ADAP2: variants seen among roughly 807,000 people sequenced by gnomAD.
ADAP2 encodes arf-GAP with dual PH domain-containing protein 2.
A neutral mutation model predicts 54.9 loss-of-function variants in ADAP2; 42 were observed. The observed-to-expected ratio is 0.77, with a 90% CI of 0.60 to 0.99. ADAP2 has a LOEUF of 0.99. ADAP2 is among the 50% of genes least tolerant of loss of function. The pLI is 0.00. For missense variants in ADAP2, 429 were observed against 480.4 expected (o/e 0.89, Z 1.00); for synonymous variants, 177 against 180.1 (o/e 0.98, Z 0.14).
intron 5 of ADAP2, among the ~76,000 whole-genome samples, chr17:30,942,471 C>A (rs1249186016): frequency 6.6e-6 from 1 of 152,132 alleles, no homozygotes; most frequent in East Asian, 1.9e-4. Context: ...TAACTGTGAT[C>A]CAGCAATTCC....
At chr17:30,927,854 T>C (rs1393272079) in intron 3 of ADAP2, among the ~76,000 whole-genome samples, 1 of 151,754 alleles carries the variant, frequency 6.6e-6, no homozygotes, top group African/African-American at 2.4e-5. Flanking sequence ...ACCCTGTCTC[T>C]ACAAAAAATA....
At chr17:30,951,672 T>TTTTTC in intron 7 of ADAP2, among the ~76,000 whole-genome samples, 1 of 128,704 alleles carries the variant, frequency 7.8e-6, no homozygotes. Context: ...TTTTTTTTTT[T>TTTTTC]TGAGACAGAG....
rs1260166284 is a variant in ADAP2, at chr17:30,956,461, A to G, written c.1103A>G (p.Asn368Ser). 1.9e-6 allele frequency: 3 copies of G among 1,614,102 alleles called. No individual in the cohort carries two copies. Among genetic ancestry groups the G allele is most frequent in the East Asian group, 2.2e-5 (1 of 44,884 alleles). Reference protein sequence around the residue: ...GVLSSPLTPLNRLTASTESGR... With the variant: ...GVLSSPLTPLSRLTASTESGR... ...CTGTCCAGCCCCTTGACGCCCCTCAACCGGCTTAGTAAGAAGCAGGAACTG... is the reference window on the plus strand; with the variant it reads ...CTGTCCAGCCCCTTGACGCCCCTCAGCCGGCTTAGTAAGAAGCAGGAACTG... Residue 368 changes from asparagine to serine, a missense_variant, in exon 10 of 11, where the codon AAC (asparagine) becomes AGC (serine). Asn to Ser is a conservative substitution (Grantham distance 46, BLOSUM62 1). Transcript: ENST00000330889.
rs567516286 is a variant in ADAP2, at chr17:30,924,883, T to C, written c.225+1813T>C. On this transcript the variant is annotated intron_variant, in intron 2 of 10. Transcript: ENST00000330889. ...TCTTTTTTGTTTTTTTTGTTTTTTT[T>C]TTTTTTGAGACGGAGTTTCACTCTT... Among the ~76,000 whole-genome samples the C allele has an allele frequency of 2.0e-3, 304 of 151,618 alleles. 1 individual carries two copies. Among genetic ancestry groups the C allele is most frequent in the African/African-American group, 7.0e-3 (288 of 41,362 alleles).
intron 2 of ADAP2, among the ~76,000 whole-genome samples, chr17:30,925,783 A>C (rs1911016791): frequency 6.6e-6 from 1 of 151,434 alleles, no homozygotes. Flanking sequence ...TATTTGAGAG[A>C]GAGTCTTGCT....
intron 2 of ADAP2, among the ~76,000 whole-genome samples, chr17:30,924,196 A>G (rs1413635848): frequency 6.6e-6 from 1 of 151,116 alleles, no homozygotes; most frequent in Non-Finnish European, 1.5e-5. Context: ...AACATGGTGA[A>G]ACCCCGTCTT....
intron 3 of ADAP2, among the ~76,000 whole-genome samples, chr17:30,928,898 G>A (rs1214570123): frequency 6.6e-6 from 1 of 152,126 alleles, no homozygotes; most frequent in Non-Finnish European, 1.5e-5. Context: ...TGGGGAGAAG[G>A]AATCCCTTTA....
chr17:30,947,922 G>GT (rs1186245234), intron 6 of ADAP2, among the ~76,000 whole-genome samples: 9 of 152,142 alleles, frequency 5.9e-5, no homozygotes, highest in Non-Finnish European at 1.2e-4. Context: ...AGTTGCTGTG[G>GT]TTAAGCAGGG....
intron 5 of ADAP2, among the ~76,000 whole-genome samples, chr17:30,937,215 C>T (rs974588935): frequency 1.3e-5 from 2 of 151,844 alleles, no homozygotes; most frequent in East Asian, 1.9e-4. Flanking sequence ...TGAGCCACCG[C>T]GCCCGGCCTA....
At chr17:30,935,440 A>T (rs187652586) in intron 5 of ADAP2, among the ~76,000 whole-genome samples, 16 of 152,208 alleles carry the variant, frequency 1.1e-4, no homozygotes, top group African/African-American at 3.9e-4. Flanking sequence ...GGAGTCAGGG[A>T]GTGCTGCTGC....
chr17:30,926,199 G>A (rs1911048358), intron 2 of ADAP2, among the ~76,000 whole-genome samples: 1 of 152,222 alleles, frequency 6.6e-6, no homozygotes, highest in Non-Finnish European at 1.5e-5. Context: ...ATGCCCAAGC[G>A]ATGTGAATTG....
At chr17:30,949,992 T>C (rs80227880) in intron 7 of ADAP2, among the ~76,000 whole-genome samples, 1,710 of 152,274 alleles carry the variant, frequency 0.011, 37 homozygotes, top group African/African-American at 0.037. Flanking sequence ...CCCTCTAAAA[T>C]GTACAAATGA....
chr17:30,936,913 A>AT, intron 5 of ADAP2, among the ~76,000 whole-genome samples: 1 of 152,200 alleles, frequency 6.6e-6, no homozygotes, highest in South Asian at 2.1e-4. Flanking sequence ...AAGTGATATT[A>AT]TTTGACTTAA....
Position 30,953,356 on chromosome 17 carries a change from T to C in ADAP2, c.804+6T>C. On this transcript the variant is annotated splice_donor_region_variant and intron_variant, in intron 8 of 10. Transcript: ENST00000330889. ...TGGAAAAGACTGGGCCAAAGGTACC[T>C]TCTATCACTCCCTGGGGAACTTAAT... The C allele has an allele frequency of 6.2e-7, 1 of 1,613,586 alleles. No homozygotes were observed. The highest frequency in any genetic ancestry group is 2.2e-5 in the East Asian group (1 of 44,872).
chr17:30,956,408 G>A lies in ADAP2; in HGVS notation c.1050G>A (p.Gln350=), dbSNP rs1190634929. The change falls in exon 10 of 11, where the codon CAG becomes CAA. Residue 350 remains glutamine (Q), a synonymous_variant. Coordinates refer to ENST00000330889, the MANE Select transcript of ADAP2 (RefSeq NM_018404.3). ...CTTGCCCCAGTGAGAAGGAACAGCAGGAATGGCTGGAAAGTTTGCGGGGTG... is the reference window on the plus strand; with the variant it reads ...CTTGCCCCAGTGAGAAGGAACAGCAAGAATGGCTGGAAAGTTTGCGGGGTG... ...VLTCPSEKEQ[Q]EWLESLRGVL... 1.2e-6 allele frequency: 2 copies of A among 1,614,218 alleles called. No individual in the cohort carries two copies. The highest frequency in any genetic ancestry group is 1.3e-5 in the African/African-American group (1 of 75,064).
In ADAP2 at chr17:30,932,157, G is replaced by A. The variant is rs114186970; in HGVS notation, c.397+189G>A. Among the ~76,000 whole-genome samples, 384 of 151,658 alleles carry A rather than the reference G, an allele frequency of 2.5e-3. 2 individuals carry two copies. The highest frequency in any genetic ancestry group is 8.9e-3 in the African/African-American group (370 of 41,344). ...ATCAGCTGGTGGGGCTTTATGCTCT[G>A]AGCAGCAGAGAAGCTCAGAGCTTCT... On this transcript the variant is annotated intron_variant, in intron 4 of 10. Coordinates refer to ENST00000330889, the MANE Select transcript of ADAP2 (RefSeq NM_018404.3).
intron 2 of ADAP2, among the ~76,000 whole-genome samples, chr17:30,926,482 C>T (rs1297373500): frequency 2.6e-5 from 4 of 152,162 alleles, no homozygotes; most frequent in African/African-American, 9.7e-5. Flanking sequence ...GGGTTCAAAT[C>T]CCAGTTCTCC....
At chr17:30,954,330 G>T in intron 8 of ADAP2, 148 bp from the exon 9 acceptor site, 1 of 687,172 alleles carries the variant, frequency 1.5e-6, no homozygotes, top group South Asian at 1.6e-5. Context: ...AGGCCCCAGG[G>T]AGAAGCACTA....
chr17:30,954,144 G>T (rs968968871), intron 8 of ADAP2: 6 of 214,700 alleles, frequency 2.8e-5, no homozygotes, highest in Admixed American at 5.1e-5. Flanking sequence ...TTTCAGCCTT[G>T]CCAAGCAGTA....
Sources: allele counts gnomAD v4.1 joint callset (sites outside exome capture counted in the v4.1 genomes callset), GRCh38; gene constraint gnomAD v4.1.1; transcripts MANE v1.5; gene names NCBI Gene and HGNC (gene_info 2026-07-23, HGNC 2026-07-21).